Variants in CNTNAP5 observed in about 807,000 individuals in gnomAD.
The protein encoded by CNTNAP5 is contactin associated protein family member 5.
A neutral mutation model predicts 150.2 loss-of-function variants in CNTNAP5; 72 were observed. The ratio of observed to expected loss-of-function variants is 0.48; its 90% confidence interval spans 0.40 to 0.58. The LOEUF is 0.58. CNTNAP5 is among the 20% of genes least tolerant of loss of function. The pLI is 0.00. For missense variants in CNTNAP5, 1,636 were observed against 1,626.2 expected (o/e 1.01, Z -0.10); for synonymous variants, 672 against 619.8 (o/e 1.08, Z -1.25).
intron 1 of CNTNAP5, among the ~76,000 whole-genome samples, chr2:124,143,693 T>A (rs1021116759): frequency 2.3e-5 from 3 of 128,882 alleles, no homozygotes; most frequent in Admixed American, 8.6e-5. Flanking sequence ...TCATACTGAA[T>A]GGGCAAAAAC....
chr2:124,049,112 C>T (rs143993278), intron 1 of CNTNAP5, among the ~76,000 whole-genome samples: 5 of 152,238 alleles, frequency 3.3e-5, no homozygotes, highest in South Asian at 4.1e-4. Context: ...CTTTGAGAAA[C>T]GCTGATTTCA....
At chr2:124,073,366 A>G (rs1682359753) in intron 1 of CNTNAP5, among the ~76,000 whole-genome samples, 1 of 152,130 alleles carries the variant, frequency 6.6e-6, no homozygotes, top group Non-Finnish European at 1.5e-5. Context: ...AAATGGTATC[A>G]TATCATGTTT....
intron 1 of CNTNAP5, among the ~76,000 whole-genome samples, chr2:124,082,123 G>A (rs1682571372): frequency 6.6e-6 from 1 of 152,044 alleles, no homozygotes; most frequent in Admixed American, 6.5e-5. Context: ...GCCGAGGCGG[G>A]TGGATCACGA....
intron 13 of CNTNAP5, among the ~76,000 whole-genome samples, chr2:124,722,887 G>A (rs570660162): frequency 1.3e-5 from 2 of 152,270 alleles, no homozygotes; most frequent in South Asian, 4.1e-4. Context: ...CCAGAAGTCT[G>A]ACAGTCTTCC....
intron 3 of CNTNAP5, among the ~76,000 whole-genome samples, chr2:124,346,189 GA>G (rs999323630): frequency 6.6e-6 from 1 of 152,110 alleles, no homozygotes; most frequent in African/African-American, 2.4e-5. Context: ...CTGGGCAGCA[GA>G]AAAAAAGCAT....
intron 1 of CNTNAP5, among the ~76,000 whole-genome samples, chr2:124,062,824 T>A (rs1052586393): frequency 6.6e-6 from 1 of 152,134 alleles, no homozygotes; most frequent in African/African-American, 2.4e-5. Flanking sequence ...GTGGTTTGTT[T>A]GTTTGTTTAA....
At chr2:124,911,955 T>A (rs1411288953) in intron 23 of CNTNAP5, among the ~76,000 whole-genome samples, 1 of 152,016 alleles carries the variant, frequency 6.6e-6, no homozygotes, top group Non-Finnish European at 1.5e-5. Flanking sequence ...CCCCACCAAG[T>A]GATTTGGGTT....
At position 124,446,673 on chromosome 2, in the gene CNTNAP5, G is replaced by A. The variant is rs1038770662; in HGVS notation, c.734-80G>A. On this transcript the variant is annotated intron_variant, in intron 5 of 23. Coordinates refer to ENST00000682447, the MANE Select transcript of CNTNAP5 (RefSeq NM_001367498.1). ...CTTTGCCTTTAGAACAGATATAGCT[G>A]CTTTTGCTTGTGGAGCATTCTGGTG... The A allele has an allele frequency of 1.2e-5, 16 of 1,385,464 alleles. No homozygotes were observed. In the African/African-American group the frequency reaches 2.0e-4, roughly 17 times the overall value. 85.8% of individuals were successfully genotyped at this position (1,385,464 alleles called of 1,614,324 possible).
intron 1 of CNTNAP5, among the ~76,000 whole-genome samples, chr2:124,214,979 T>C (rs1335769827): frequency 6.6e-6 from 1 of 152,144 alleles, no homozygotes; most frequent in African/African-American, 2.4e-5. Flanking sequence ...GGTTTCATCG[T>C]GAAGAATGGG....
chr2:124,825,073 A>G (rs938339424), intron 19 of CNTNAP5, among the ~76,000 whole-genome samples: 1 of 152,230 alleles, frequency 6.6e-6, no homozygotes, highest in African/African-American at 2.4e-5. Context: ...AATGAAGAGG[A>G]CAATAGAAAA....
At chr2:124,214,868 G>A (rs1449327950) in intron 1 of CNTNAP5, among the ~76,000 whole-genome samples, 2 of 152,182 alleles carry the variant, frequency 1.3e-5, no homozygotes, top group Non-Finnish European at 2.9e-5. Context: ...CATCAATCTG[G>A]AAATGAGTGT....
At chr2:124,653,372 G>T (rs1473063436) in intron 13 of CNTNAP5, among the ~76,000 whole-genome samples, 2 of 151,332 alleles carry the variant, frequency 1.3e-5, no homozygotes, top group Non-Finnish European at 2.9e-5. Context: ...ATAGTATATA[G>T]TATGGATAAA....
At chr2:124,049,530 A>G (rs374306282) in intron 1 of CNTNAP5, among the ~76,000 whole-genome samples, 2 of 152,168 alleles carry the variant, frequency 1.3e-5, no homozygotes, top group African/African-American at 2.4e-5. Flanking sequence ...TTTACTTCCT[A>G]TTAGAGGAAA....
At chr2:124,464,294 A>T (rs1210620930) in intron 6 of CNTNAP5, among the ~76,000 whole-genome samples, 1 of 152,060 alleles carries the variant, frequency 6.6e-6, no homozygotes, top group Non-Finnish European at 1.5e-5. Flanking sequence ...CTCTTACTCA[A>T]TGCTGGGCTG....
intron 1 of CNTNAP5, among the ~76,000 whole-genome samples, chr2:124,062,238 ACTGCTC>A (rs1682028727): frequency 6.6e-6 from 1 of 152,334 alleles, no homozygotes; most frequent in Admixed American, 6.5e-5. Context: ...GCTTATATGA[ACTGCTC>A]CTATTATTAT....
intron 8 of CNTNAP5, among the ~76,000 whole-genome samples, chr2:124,514,138 A>G (rs1336183732): frequency 6.6e-6 from 1 of 152,226 alleles, no homozygotes; most frequent in Non-Finnish European, 1.5e-5. Context: ...TGATATCACA[A>G]CAAGCACAGA....
At chr2:124,359,354 A>C (rs1170976007) in intron 3 of CNTNAP5, among the ~76,000 whole-genome samples, 2 of 151,164 alleles carry the variant, frequency 1.3e-5, no homozygotes, top group Non-Finnish European at 2.9e-5. Context: ...TAGCTTTTGA[A>C]TGTGTTTGCT....
chr2:124,212,827 ATC>A (rs1686050061), intron 1 of CNTNAP5, among the ~76,000 whole-genome samples: 1 of 116,098 alleles, frequency 8.6e-6, no homozygotes, highest in East Asian at 2.3e-4. Context: ...GTGTAGATAA[ATC>A]TTTTTTTTTT....
At chr2:124,770,969 G>T (rs564554994) in intron 16 of CNTNAP5, among the ~76,000 whole-genome samples, 1 of 152,170 alleles carries the variant, frequency 6.6e-6, no homozygotes, top group Non-Finnish European at 1.5e-5. Flanking sequence ...TAGCTGCAGA[G>T]TCTAAGCTCT....
Sources: gnomAD v4.1 joint callset for allele counts (sites outside exome capture counted in the v4.1 genomes callset) on GRCh38, gnomAD v4.1.1 for gene constraint, MANE v1.5 for transcripts, NCBI Gene and HGNC (gene_info 2026-07-23, HGNC 2026-07-21) for gene names.